The following TMEM229B variants were observed in gnomAD, a reference collection of about 807,000 sequenced individuals.
The protein encoded by TMEM229B is chromosome 14 open reading frame 83.
TMEM229B carries 6 observed loss-of-function variants against 13.7 expected under a neutral mutation model. The ratio of observed to expected loss-of-function variants is 0.44; its 90% CI spans 0.24 to 0.86. The LOEUF is 0.86. Ranked by LOEUF, TMEM229B falls within the 40% of genes least tolerant of loss-of-function variation. TMEM229B has a pLI of 0.23. For missense variants in TMEM229B, 170 were observed against 236.0 expected, an observed-to-expected ratio of 0.72 and a Z score of 1.83; for synonymous variants, 107 against 102.1, an observed-to-expected ratio of 1.05 and a Z score of -0.29.
At chr14:67,517,919 T>A (rs2033232238), upstream of TMEM229B, among the ~76,000 whole-genome samples, 1 of 152,202 alleles carries the variant, frequency 6.6e-6, no homozygotes, top group Non-Finnish European at 1.5e-5. Context: ...ACATTTGACA[T>A]AAGATCAGGG....
At chr14:67,478,358 A>G (rs1364161721) in intron 2 of TMEM229B, among the ~76,000 whole-genome samples, 6 of 152,092 alleles carry the variant, frequency 3.9e-5, no homozygotes, top group Non-Finnish European at 5.9e-5. Context: ...CACCTCTTAA[A>G]TATCTTTGGG....
At chr14:67,490,888 T>C (rs1454737431), upstream of TMEM229B, among the ~76,000 whole-genome samples, 1 of 151,948 alleles carries the variant, frequency 6.6e-6, no homozygotes, top group East Asian at 1.9e-4. Flanking sequence ...AGATATGGGG[T>C]GGGCGTGGAG....
At chr14:67,489,908 T>G (rs549185630), upstream of TMEM229B, among the ~76,000 whole-genome samples, 1 of 151,440 alleles carries the variant, frequency 6.6e-6, no homozygotes, top group Non-Finnish European at 1.5e-5. Context: ...GAGAATGGCG[T>G]GAACCTGGGA....
At chr14:67,519,491 C>T (rs1258565161), upstream of TMEM229B, among the ~76,000 whole-genome samples, 2 of 152,182 alleles carry the variant, frequency 1.3e-5, no homozygotes, top group Non-Finnish European at 2.9e-5. Context: ...AAGTTGAGTC[C>T]TGCATTCACC....
At chr14:67,497,661 T>C (rs75437247) in intron 1 of TMEM229B, among the ~76,000 whole-genome samples, 14,334 of 152,238 alleles carry the variant, frequency 0.094, 714 homozygotes, top group Middle Eastern at 0.13. Context: ...TTTTAACACA[T>C]GCTGAGTTGT....
At chr14:67,474,096 A>G (rs945069703) in intron 2 of TMEM229B, among the ~76,000 whole-genome samples, 155 bp from the exon 3 acceptor site, 1 of 152,166 alleles carries the variant, frequency 6.6e-6, no homozygotes, top group African/African-American at 2.4e-5. Flanking sequence ...TACTAAAAAT[A>G]CAAAAATTAG....
chr14:67,527,853 G>C (rs375960019), intron 1 of TMEM229B, among the ~76,000 whole-genome samples: 2 of 152,208 alleles, frequency 1.3e-5, no homozygotes, highest in African/African-American at 4.8e-5. Flanking sequence ...TCACAGCTCT[G>C]CATGTAGGAC....
intron 1 of TMEM229B, among the ~76,000 whole-genome samples, chr14:67,520,800 A>G (rs752150236): frequency 5.3e-5 from 8 of 152,268 alleles, no homozygotes; most frequent in Admixed American, 1.3e-4. Flanking sequence ...TTGTGTGGAC[A>G]TAAATTTCCA....
At chr14:67,486,112 G>C (rs2031862503) in intron 2 of TMEM229B, among the ~76,000 whole-genome samples, 1 of 152,244 alleles carries the variant, frequency 6.6e-6, no homozygotes, top group Non-Finnish European at 1.5e-5. Context: ...ACTCACGCCA[G>C]ACAATCTGAA....
intron 1 of TMEM229B, among the ~76,000 whole-genome samples, chr14:67,521,305 G>A (rs897895159): frequency 3.9e-5 from 6 of 152,176 alleles, no homozygotes; most frequent in Admixed American, 3.3e-4. Context: ...TTGTGACAGG[G>A]GAAGCAAATG....
chr14:67,521,597 A>C (rs10133015), intron 1 of TMEM229B, among the ~76,000 whole-genome samples: 1,813 of 152,332 alleles, frequency 0.012, 40 homozygotes, highest in African/African-American at 0.042. Flanking sequence ...GATAAGGACT[A>C]TGCAGTATTC....
upstream of TMEM229B, among the ~76,000 whole-genome samples, chr14:67,518,221 G>C (rs1043959173): frequency 6.6e-6 from 1 of 152,190 alleles, no homozygotes; most frequent in Non-Finnish European, 1.5e-5. Context: ...CAAGAGGAGC[G>C]GTGTGGTGGT....
intron 1 of TMEM229B, chr14:67,533,161 G>C (rs972225236): frequency 6.6e-6 from 1 of 152,074 alleles, no homozygotes; most frequent in Non-Finnish European, 1.5e-5. Flanking sequence ...GAGGGCGCCC[G>C]GCGGAGCGTT....
intron 2 of TMEM229B, among the ~76,000 whole-genome samples, chr14:67,484,245 T>C (rs2031749292): frequency 6.6e-6 from 1 of 152,238 alleles, no homozygotes; most frequent in Non-Finnish European, 1.5e-5. Flanking sequence ...TCTTGTTCAC[T>C]GCTGTTTAGT....
intron 1 of TMEM229B, among the ~76,000 whole-genome samples, chr14:67,506,941 G>A (rs2140222820): frequency 6.6e-6 from 1 of 152,248 alleles, no homozygotes. Flanking sequence ...CTGAGATCGT[G>A]CCACTGCATT....
At chr14:67,496,778 C>CCTCCCTCT (rs2032405490) in intron 1 of TMEM229B, among the ~76,000 whole-genome samples, 1 of 96,926 alleles carries the variant, frequency 1.0e-5, no homozygotes, top group Non-Finnish European at 2.3e-5. Context: ...TTCCTCCCTC[C>CCTCCCTCT]CTCATTTCTG....
intron 1 of TMEM229B, among the ~76,000 whole-genome samples, chr14:67,527,612 T>A (rs959535068): frequency 1.3e-5 from 2 of 152,236 alleles, no homozygotes; most frequent in Non-Finnish European, 2.9e-5. Flanking sequence ...TTGGTGAAGT[T>A]GCTTCTATTC....
At chr14:67,509,324 C>CT (rs5809349) in intron 1 of TMEM229B, among the ~76,000 whole-genome samples, 21 of 149,742 alleles carry the variant, frequency 1.4e-4, no homozygotes, top group East Asian at 4.0e-4. Flanking sequence ...TCAACTCTCT[C>CT]TTTTTTTTTT....
chr14:67,503,724 GACAGAGTC>G (rs1166214629), intron 1 of TMEM229B, among the ~76,000 whole-genome samples: 1 of 151,616 alleles, frequency 6.6e-6, no homozygotes, highest in Non-Finnish European at 1.5e-5. Context: ...TTATTTTTGA[GACAGAGTC>G]TAGCTCTGTC....
Sources: gnomAD v4.1 joint callset for allele counts (sites outside exome capture counted in the v4.1 genomes callset) on GRCh38, gnomAD v4.1.1 for gene constraint, MANE v1.5 for transcripts, NCBI Gene and HGNC (gene_info 2026-07-23, HGNC 2026-07-21) for gene names.